The following ATIC variants were observed in gnomAD, a reference collection of about 807,000 sequenced individuals.
ATIC encodes bifunctional purine biosynthesis protein ATIC.
In ATIC, 64 loss-of-function variants were observed where a neutral mutation model predicts 72.5. The observed-to-expected ratio is 0.88, with a 90% CI of 0.72 to 1.09. ATIC has a LOEUF of 1.09. Ranked by LOEUF, ATIC falls within the 50% of genes least tolerant of loss-of-function variation. The pLI is 0.00. For synonymous variants in ATIC, 281 were observed against 267.1 expected (o/e 1.05, Z -0.51); for missense variants, 787 against 732.4 (o/e 1.07, Z -0.86).
chr2:215,313,850 C>T (rs1311469196), intron 2 of ATIC, among the ~76,000 whole-genome samples: 4 of 152,086 alleles, frequency 2.6e-5, no homozygotes, highest in Admixed American at 6.6e-5. Context: ...CTGTGAGAAT[C>T]GTGGCAGGCA....
At chr2:215,334,675 A>C (rs2052935821) in intron 9 of ATIC, among the ~76,000 whole-genome samples, 1 of 152,196 alleles carries the variant, frequency 6.6e-6, no homozygotes, top group African/African-American at 2.4e-5. Context: ...GTTTTTGTGA[A>C]TATAGTATAT....
At chr2:215,368,031 TGAAGAAAAG>T in the ATIC span, 2 of 1,614,014 alleles carry the variant, frequency 1.2e-6, no homozygotes, top group Non-Finnish European at 1.7e-6. Context: ...TCGTTGACTA[TGAAGAAAAG>T]GAAGAAAAAG....
At chr2:215,329,988 C>T (rs1177112509) in intron 7 of ATIC, among the ~76,000 whole-genome samples, 1 of 152,126 alleles carries the variant, frequency 6.6e-6, no homozygotes, top group Admixed American at 6.6e-5. Context: ...TCTGAAACTC[C>T]CAACCTCAGG....
Position 215,346,630 on chromosome 2 carries a change from C to T in ATIC, c.1321-129C>T. 5.8e-6 allele frequency: 6 copies of T among 1,029,572 alleles called. No homozygotes were observed. In the South Asian group the frequency reaches 6.6e-5, roughly 11 times the overall value. The allele number at this position is 1,029,572 out of a possible 1,614,324, so 63.8% of individuals were successfully genotyped here. A position where few individuals can be genotyped will look rare whatever the true frequency, so the allele number is the denominator to read the frequency against. ...AATGACTTAAAAATTATTTATATTT[C>T]TCTTATTTTGGCCTGATATGTTCTT... On this transcript the variant is annotated intron_variant, in intron 13 of 15. Transcript: ENST00000236959.
At chr2:215,319,819 C>A in intron 4 of ATIC, 88 bp downstream of exon 4, 4 of 1,112,030 alleles carry the variant, frequency 3.6e-6, no homozygotes, top group Non-Finnish European at 5.4e-6. Context: ...TTCTTACTCA[C>A]TATAAACCTT....
chr2:215,324,514 A>T (rs1386553426), intron 4 of ATIC, among the ~76,000 whole-genome samples: 1 of 152,154 alleles, frequency 6.6e-6, no homozygotes, highest in Non-Finnish European at 1.5e-5. Flanking sequence ...GTAGGAGGGC[A>T]GTAGACTTAA....
intron 12 of ATIC, among the ~76,000 whole-genome samples, chr2:215,339,899 G>A (rs1322519719): frequency 6.6e-6 from 1 of 152,062 alleles, no homozygotes; most frequent in Non-Finnish European, 1.5e-5. Context: ...GCCTCCCAAA[G>A]TGCTGGGGTT....
At chr2:215,364,954 T>C in the ATIC span, 1 of 1,580,944 alleles carries the variant, frequency 6.3e-7, no homozygotes, top group Non-Finnish European at 8.6e-7. Context: ...CTACGTGGTA[T>C]GTCTTCCCAT....
chr2:215,361,720 G>T, the ATIC span: 1 of 1,057,826 alleles, frequency 9.5e-7, no homozygotes, highest in African/African-American at 1.6e-5. Context: ...CATGACAGCT[G>T]CTTATAGATA....
At chr2:215,329,454 C>T (rs2052866040) in intron 7 of ATIC, among the ~76,000 whole-genome samples, 1 of 152,166 alleles carries the variant, frequency 6.6e-6, no homozygotes, top group Non-Finnish European at 1.5e-5. Flanking sequence ...TTCTCCCCAA[C>T]ATGGGCTTAT....
the ATIC span, chr2:215,361,150 T>C: frequency 9.1e-6 from 2 of 219,750 alleles, no homozygotes; most frequent in Non-Finnish European, 1.8e-5. Flanking sequence ...GTTCCTACAG[T>C]ATTGCGGGCC....
chr2:215,323,111 A>AT (rs2052787455), intron 4 of ATIC, among the ~76,000 whole-genome samples: 1 of 151,854 alleles, frequency 6.6e-6, no homozygotes, highest in Non-Finnish European at 1.5e-5. Flanking sequence ...TGCGCAGCTA[A>AT]TTTTTTTGTA....
Position 215,318,210 on chromosome 2 carries a change from CTT to C in ATIC, c.202_203del (p.Leu68AlafsTer12). ...GAAATGTTGGGGGGACGTGTGAAAA[CTT>C]TGCATCCTGCAGTCCATGCTGGTAA... is the stretch of plus-strand genomic sequence containing the variant. On this transcript the variant is annotated frameshift_variant, in exon 3 of 16. Coordinates refer to ENST00000236959, the MANE Select transcript of ATIC (RefSeq NM_004044.7). LOFTEE classifies it high-confidence loss of function. 1 of 1,614,070 alleles carries C rather than the reference CTT, an allele frequency of 6.2e-7. No individual in the cohort carries two copies. The highest frequency in any genetic ancestry group is 8.5e-7 in the Non-Finnish European group (1 of 1,179,954).
intron 7 of ATIC, among the ~76,000 whole-genome samples, chr2:215,331,678 G>C (rs572159038): frequency 2.0e-5 from 3 of 151,994 alleles, no homozygotes; most frequent in Non-Finnish European, 4.4e-5. Context: ...CATTGTACCC[G>C]GCTCATTTTT....
At chr2:215,337,175 G>A (rs186985546) in intron 11 of ATIC, among the ~76,000 whole-genome samples, 16 of 151,280 alleles carry the variant, frequency 1.1e-4, no homozygotes, top group Admixed American at 7.9e-4. Context: ...AAAGCAAAGA[G>A]TTATTTCAAT....
At chr2:215,331,301 A>G (rs1426306255) in intron 7 of ATIC, among the ~76,000 whole-genome samples, 1 of 151,846 alleles carries the variant, frequency 6.6e-6, no homozygotes, top group Non-Finnish European at 1.5e-5. Flanking sequence ...GTAGTAGGCA[A>G]CTCAGTAAAT....
intron 2 of ATIC, among the ~76,000 whole-genome samples, chr2:215,314,615 C>G (rs1236727015): frequency 6.6e-6 from 1 of 152,102 alleles, no homozygotes; most frequent in Non-Finnish European, 1.5e-5. Flanking sequence ...TCTCCTGCCT[C>G]AGCCTCCCAA....
the ATIC span, among the ~76,000 whole-genome samples, chr2:215,357,517 C>T: frequency 6.6e-6 from 1 of 152,158 alleles, no homozygotes; most frequent in Admixed American, 6.5e-5. Context: ...GTAAAACATG[C>T]TTTAATATCT....
the ATIC span, chr2:215,368,172 A>G: frequency 1.1e-6 from 1 of 876,170 alleles, no homozygotes; most frequent in Non-Finnish European, 1.8e-6. Context: ...TGTTCTATCA[A>G]GGCATTAACT....
Sources: allele counts gnomAD v4.1 joint callset (sites outside exome capture counted in the v4.1 genomes callset), GRCh38; gene constraint gnomAD v4.1.1; transcripts MANE v1.5; gene names NCBI Gene and HGNC (gene_info 2026-07-23, HGNC 2026-07-21).